WASF3: variants seen among roughly 807,000 people sequenced by gnomAD.
WASF3 encodes the protein WASP family member 3.
In WASF3, 11 loss-of-function variants were observed where a neutral mutation model predicts 46.6. The observed-to-expected ratio is 0.24, with a 90% CI of 0.15 to 0.39. The LOEUF is 0.39. WASF3 is among the 10% of genes least tolerant of loss of function. WASF3 has a pLI of 1.00. For synonymous variants in WASF3, 242 were observed against 259.7 expected, an observed-to-expected ratio of 0.93 and a Z score of 0.65; for missense variants, 576 against 669.8, an observed-to-expected ratio of 0.86 and a Z score of 1.55.
chr13:26,642,056 T>G, intron 2 of WASF3: 4 of 348,778 alleles, frequency 1.1e-5, no homozygotes, highest in Non-Finnish European at 1.5e-5. Flanking sequence ...TTCTATGAAG[T>G]GAGATTATAC....
intron 1 of WASF3, among the ~76,000 whole-genome samples, chr13:26,568,104 A>C (rs1267257415): frequency 2.0e-5 from 3 of 152,026 alleles, no homozygotes; most frequent in East Asian, 1.9e-4. Flanking sequence ...AAAGGGCCAG[A>C]TTGTGTAGGG....
At chr13:26,625,388 A>G (rs1391296479) in intron 2 of WASF3, among the ~76,000 whole-genome samples, 5 of 152,170 alleles carry the variant, frequency 3.3e-5, no homozygotes, top group African/African-American at 1.2e-4. Flanking sequence ...CATTGTGCCT[A>G]GCTGATGGTA....
At chr13:26,596,893 TTTC>T (rs1325469631) in intron 1 of WASF3, among the ~76,000 whole-genome samples, 1 of 152,224 alleles carries the variant, frequency 6.6e-6, no homozygotes, top group Non-Finnish European at 1.5e-5. Flanking sequence ...GAATGAGTTC[TTTC>T]TTTCTGAAAT....
intron 3 of WASF3, among the ~76,000 whole-genome samples, chr13:26,651,420 A>G (rs1054295226): frequency 2.6e-5 from 4 of 152,242 alleles, no homozygotes; most frequent in African/African-American, 9.6e-5. Context: ...ACATCATGTA[A>G]AAGAAGGGAA....
upstream of WASF3, among the ~76,000 whole-genome samples, chr13:26,554,103 CTTTCT>C (rs1566032508): frequency 9.1e-6 from 1 of 110,038 alleles, no homozygotes; most frequent in Non-Finnish European, 1.8e-5. Flanking sequence ...TTCCTTCTTT[CTTTCT>C]TTCTTTCTTT....
chr13:26,604,332 G>C (rs1880729573), intron 1 of WASF3, among the ~76,000 whole-genome samples: 1 of 152,174 alleles, frequency 6.6e-6, no homozygotes, highest in Non-Finnish European at 1.5e-5. Context: ...TGGGGAGCCT[G>C]TTGGATAAGA....
At chr13:26,553,382 C>G (rs917165168), upstream of WASF3, among the ~76,000 whole-genome samples, 1 of 151,832 alleles carries the variant, frequency 6.6e-6, no homozygotes, top group African/African-American at 2.4e-5. Context: ...ATCGAGTCTC[C>G]ACGGTTCCAT....
chr13:26,605,898 G>C (rs1161029522), intron 1 of WASF3, among the ~76,000 whole-genome samples: 1 of 152,098 alleles, frequency 6.6e-6, no homozygotes, highest in African/African-American at 2.4e-5. Flanking sequence ...AAATCATCTT[G>C]GTTTTAGGTT....
intron 1 of WASF3, among the ~76,000 whole-genome samples, chr13:26,588,649 C>T (rs574645313): frequency 1.3e-5 from 2 of 152,102 alleles, no homozygotes; most frequent in African/African-American, 4.8e-5. Flanking sequence ...TTTTAAAATG[C>T]GTAACAGTTT....
chr13:26,662,167 A>G (rs1882650301), intron 3 of WASF3, among the ~76,000 whole-genome samples: 2 of 152,244 alleles, frequency 1.3e-5, no homozygotes, highest in South Asian at 2.1e-4. Context: ...GCAATGCTGC[A>G]GAGAAAAGGG....
Position 26,576,057 on chromosome 13 carries a change from G to A in WASF3, c.-109+18238G>A, listed in dbSNP as rs182003554. ...TGAATATCTTCTTCCAGAGTTTGAT[G>A]TATATGTATCTTGGAGGTATATGTA... On this transcript the variant is annotated intron_variant, in intron 1 of 9. Coordinates refer to ENST00000335327, the MANE Select transcript of WASF3 (RefSeq NM_006646.6). Among the ~76,000 whole-genome samples, 4 of 152,098 alleles carry A rather than the reference G, an allele frequency of 2.6e-5. No individual in the cohort carries two copies. In the East Asian group the frequency reaches 7.7e-4, roughly 29 times the overall value.
chr13:26,599,736 T>G (rs1203742839), intron 1 of WASF3, among the ~76,000 whole-genome samples: 1 of 152,258 alleles, frequency 6.6e-6, no homozygotes, highest in Non-Finnish European at 1.5e-5. Context: ...CTACTTTGCC[T>G]ATGAAGGCCT....
chr13:26,557,688 CG>C lies in WASF3; in HGVS notation c.-237del. The C allele has an allele frequency of 6.1e-6, 1 of 165,220 alleles. No homozygotes were observed. The allele number at this position is 165,220 out of a possible 1,614,324, so 10.2% of individuals were successfully genotyped here. A position where few individuals can be genotyped will look rare whatever the true frequency, so the allele number is the denominator to read the frequency against. On this transcript the variant is annotated 5_prime_UTR_variant, in exon 1 of 10. Coordinates refer to ENST00000335327, the MANE Select transcript of WASF3 (RefSeq NM_006646.6). The stretch of plus-strand genomic sequence containing the variant: ...GAGGGGGCGTGGCCGCGGCCGTGGA[CG>C]GGCCGGAGGCGGCGTCGCTCGCGCC...
At chr13:26,634,387 C>T (rs537149874) in intron 2 of WASF3, among the ~76,000 whole-genome samples, 58 of 152,270 alleles carry the variant, frequency 3.8e-4, no homozygotes, top group East Asian at 2.1e-3. Context: ...TGTCTCTGCA[C>T]GTGAGATGGG....
chr13:26,588,506 T>G (rs1183692573), intron 1 of WASF3, among the ~76,000 whole-genome samples: 1 of 152,210 alleles, frequency 6.6e-6, no homozygotes, highest in Non-Finnish European at 1.5e-5. Context: ...TAAACCTTAC[T>G]TGTGTTTTTA....
At chr13:26,619,456 C>G (rs9507748) in intron 2 of WASF3, 40,629 of 152,078 alleles carry the variant, frequency 0.27, 5,925 homozygotes, top group Non-Finnish European at 0.34. Context: ...ATTTGACTTA[C>G]CAGATGTCGT....
At chr13:26,546,748 A>T in the WASF3 span, among the ~76,000 whole-genome samples, 1 of 152,194 alleles carries the variant, frequency 6.6e-6, no homozygotes, top group Non-Finnish European at 1.5e-5. Context: ...ACAAACAACA[A>T]CAAAAATTGT....
intron 9 of WASF3, among the ~76,000 whole-genome samples, chr13:26,684,839 C>G (rs1311131604): frequency 6.6e-6 from 1 of 152,118 alleles, no homozygotes; most frequent in Non-Finnish European, 1.5e-5. Flanking sequence ...CATAGCTGTT[C>G]TGTAAATCTG....
intron 1 of WASF3, among the ~76,000 whole-genome samples, chr13:26,584,628 G>C (rs1302697393): frequency 1.3e-5 from 2 of 152,122 alleles, no homozygotes; most frequent in Non-Finnish European, 2.9e-5. Flanking sequence ...AAGATGATTT[G>C]TCTTGAGTTT....
Sources: allele counts gnomAD v4.1 joint callset (sites outside exome capture counted in the v4.1 genomes callset), GRCh38; gene constraint gnomAD v4.1.1; transcripts MANE v1.5; gene names NCBI Gene and HGNC (gene_info 2026-07-23, HGNC 2026-07-21).